The following TENM3 variants were observed in gnomAD, a reference collection of about 807,000 sequenced individuals.
TENM3 encodes teneurin transmembrane protein 3.
A neutral mutation model predicts 255.1 loss-of-function variants in TENM3; 63 were observed. That is an observed-to-expected ratio of 0.25 (90% CI 0.20 to 0.30). The LOEUF is 0.30. TENM3 is among the 10% of genes least tolerant of loss of function. The pLI, the probability that TENM3 is intolerant of heterozygous loss-of-function variation, is 1.00. For synonymous variants in TENM3, 1,306 were observed against 1,322.3 expected (o/e 0.99, Z 0.27); for missense variants, 2,929 against 3,461.1 (o/e 0.85, Z 3.86).
the TENM3 span, among the ~76,000 whole-genome samples, chr4:181,736,991 T>C: frequency 1.3e-5 from 2 of 152,246 alleles, no homozygotes; most frequent in South Asian, 4.1e-4. Flanking sequence ...GTCGAGTATC[T>C]AATAGAGTCT....
At chr4:182,570,694 C>T (rs1238557712) in intron 3 of TENM3, among the ~76,000 whole-genome samples, 9 of 152,076 alleles carry the variant, frequency 5.9e-5, no homozygotes, top group African/African-American at 2.2e-4. Flanking sequence ...ATTAGCCAGG[C>T]GTCATGGCAG....
chr4:182,553,691 G>A (rs1580916865), intron 3 of TENM3, among the ~76,000 whole-genome samples: 2 of 152,280 alleles, frequency 1.3e-5, no homozygotes, highest in Admixed American at 6.5e-5. Flanking sequence ...CTCTCATTTA[G>A]ATTTGAAAGG....
chr4:181,868,306 T>G, the TENM3 span, among the ~76,000 whole-genome samples: 3 of 152,066 alleles, frequency 2.0e-5, no homozygotes, highest in Admixed American at 6.6e-5. Flanking sequence ...GATCATGACT[T>G]CTAACACTGC....
chr4:182,430,687 A>T (rs12651593), intron 3 of TENM3, among the ~76,000 whole-genome samples: 75,594 of 151,722 alleles, frequency 0.5, 19,137 homozygotes, highest in South Asian at 0.59. Flanking sequence ...GTCGATCACA[A>T]AGCAGAGATC....
the TENM3 span, among the ~76,000 whole-genome samples, chr4:181,910,279 T>A: frequency 6.6e-6 from 1 of 152,026 alleles, no homozygotes; most frequent in East Asian, 1.9e-4. Context: ...ATAAAATATA[T>A]ATACAGGCCG....
the TENM3 span, among the ~76,000 whole-genome samples, chr4:181,605,408 C>G: frequency 6.7e-6 from 1 of 149,574 alleles, no homozygotes; most frequent in Non-Finnish European, 1.5e-5. Context: ...CGCCCCACGA[C>G]GCTCCAGCCT....
intron 1 of TENM3, among the ~76,000 whole-genome samples, chr4:182,186,817 T>C (rs1354685315): frequency 2.9e-5 from 2 of 69,204 alleles, no homozygotes; most frequent in Admixed American, 1.5e-4. Flanking sequence ...ATATATATGG[T>C]CCTACCCTGT....
Position 182,590,538 on chromosome 4 carries a change from C to CAAAAAAAAAAA in TENM3, c.512-10373_512-10363dup, listed in dbSNP as rs34681777. On this transcript the variant is annotated intron_variant, in intron 3 of 27. Coordinates refer to ENST00000511685, the MANE Select transcript of TENM3 (RefSeq NM_001080477.4). ...CCAGCAATAGAGCGAGACCCTGTCTCAAAAAAAAAAAAAAAAAAAAAAAGA... is the reference window on the plus strand; with the variant it reads ...CCAGCAATAGAGCGAGACCCTGTCTCAAAAAAAAAAAAAAAAAAAAAAAAAAAAAAAAAAGA... 5.9e-4 allele frequency among the ~76,000 whole-genome samples: 47 copies of CAAAAAAAAAAA among 79,938 alleles called. 2 individuals are homozygous for CAAAAAAAAAAA. The highest frequency in any genetic ancestry group is 7.7e-4 in the East Asian group (2 of 2,614). 52.4% of individuals were successfully genotyped at this position (79,938 alleles called of 152,430 possible). A position where few individuals can be genotyped will look rare whatever the true frequency, so the allele number is the denominator to read the frequency against.
intron 1 of TENM3, among the ~76,000 whole-genome samples, chr4:182,293,627 C>T (rs1479743798): frequency 2.6e-5 from 4 of 152,170 alleles, no homozygotes; most frequent in African/African-American, 7.2e-5. Context: ...CAGTGGTATT[C>T]TGGTACCCTC....
chr4:181,887,038 T>G, the TENM3 span, among the ~76,000 whole-genome samples: 6 of 152,184 alleles, frequency 3.9e-5, no homozygotes, highest in Non-Finnish European at 8.8e-5. Context: ...TTAAATACTT[T>G]CCTGTTTTAT....
chr4:182,085,829 T>C, the TENM3 span, among the ~76,000 whole-genome samples: 1 of 152,210 alleles, frequency 6.6e-6, no homozygotes, highest in Non-Finnish European at 1.5e-5. Flanking sequence ...TACATATATA[T>C]TGCGTTTTTC....
chr4:182,744,093 CTTTTTTTTT>C (rs957977132), intron 19 of TENM3: 3 of 451,898 alleles, frequency 6.6e-6, no homozygotes, highest in Non-Finnish European at 8.0e-6. Context: ...ACTGTGCTTT[CTTTTTTTTT>C]TTTTTTTTTT....
chr4:182,424,397 G>A (rs897505257), intron 3 of TENM3, among the ~76,000 whole-genome samples: 2 of 151,810 alleles, frequency 1.3e-5, no homozygotes, highest in African/African-American at 4.8e-5. Flanking sequence ...ACTCTTTCTA[G>A]CATTTACCCC....
the TENM3 span, among the ~76,000 whole-genome samples, chr4:182,100,680 C>CACATATATACACATATAT: frequency 0.087 from 2,348 of 27,126 alleles, 58 homozygotes; most frequent in Non-Finnish European, 0.12. Context: ...CATATATATA[C>CACATATATACACATATAT]ACACATATAT....
Position 182,324,069 on chromosome 4 carries a change from C to A in TENM3, c.49C>A (p.Arg17=), listed in dbSNP as rs369372191. Residue 17 remains arginine (R), a synonymous_variant, in exon 2 of 28, where the codon CGA becomes AGA. Transcript: ENST00000511685. ...TTACTGCTCCCTGACCAAGAGCAGACGAGAGAAGGAACGGCGCTACACAAA... is the reference window on the plus strand; with the variant it reads ...TTACTGCTCCCTGACCAAGAGCAGAAGAGAGAAGGAACGGCGCTACACAAA... ...RPYCSLTKSR[R]EKERRYTNSS... 11 of 1,613,944 alleles carry A rather than the reference C, an allele frequency of 6.8e-6. No homozygotes were observed. Among genetic ancestry groups the A allele is most frequent in the Middle Eastern group, 1.6e-4 (1 of 6,062 alleles).
At chr4:182,640,855 A>T (rs1331621031) in intron 5 of TENM3, among the ~76,000 whole-genome samples, 1 of 152,218 alleles carries the variant, frequency 6.6e-6, no homozygotes, top group East Asian at 1.9e-4. Context: ...CCAGATGAAG[A>T]GGGAGCAAAT....
intron 3 of TENM3, among the ~76,000 whole-genome samples, chr4:182,494,393 A>G (rs1735565746): frequency 1.3e-5 from 2 of 152,172 alleles, no homozygotes; most frequent in Admixed American, 1.3e-4. Flanking sequence ...AACTTTTGTT[A>G]GTTATACTGT....
chr4:181,985,358 CAT>C, the TENM3 span, among the ~76,000 whole-genome samples: 1 of 151,212 alleles, frequency 6.6e-6, no homozygotes, highest in South Asian at 2.1e-4. Context: ...TCTCAGGACA[CAT>C]ATTTTTTATC....
At chr4:182,467,184 T>G (rs914895034) in intron 3 of TENM3, among the ~76,000 whole-genome samples, 1 of 152,202 alleles carries the variant, frequency 6.6e-6, no homozygotes, top group South Asian at 2.1e-4. Context: ...GGTGGTAAAT[T>G]AAGCATCTTA....
Sources: allele counts gnomAD v4.1 joint callset (sites outside exome capture counted in the v4.1 genomes callset), GRCh38; gene constraint gnomAD v4.1.1; transcripts MANE v1.5; gene names NCBI Gene and HGNC (gene_info 2026-07-23, HGNC 2026-07-21).